UGT1A9: variants seen among roughly 807,000 people sequenced by gnomAD.
UGT1A9 encodes UDP-glucuronosyltransferase 1A9.
Under a neutral mutation model 45.0 loss-of-function variants are expected in UGT1A9, and 35 were observed. That is an observed-to-expected ratio of 0.78 (90% confidence interval 0.59 to 1.03). The LOEUF is 1.03. Ranked by LOEUF, UGT1A9 falls within the 50% of genes least tolerant of loss-of-function variation. The pLI, the probability that UGT1A9 is intolerant of heterozygous loss-of-function variation, is 0.00. For synonymous variants in UGT1A9, 278 were observed against 250.6 expected, an observed-to-expected ratio of 1.11 and a Z score of -1.03; for missense variants, 687 against 666.6, an observed-to-expected ratio of 1.03 and a Z score of -0.34.
chr2:233,731,166 G>T (rs1000792478), intron 1 of UGT1A9, among the ~76,000 whole-genome samples: 13 of 151,756 alleles, frequency 8.6e-5, no homozygotes, highest in Admixed American at 3.3e-4. Flanking sequence ...CAAACGACAT[G>T]ATTTTTTTAT....
In UGT1A9 at chr2:233,729,997, T is replaced by G; in HGVS notation, c.856-37037T>G. On this transcript the variant is annotated intron_variant, in intron 1 of 4. Transcript: ENST00000354728. ...CAACAGGAAGCCACTATCTCAGGTC[T>G]GTATTGGTGCCTTCATCCAATCAAT... is the stretch of plus-strand genomic sequence containing the variant. 3 of 1,614,024 alleles carry G rather than the reference T, an allele frequency of 1.9e-6. No individual in the cohort carries two copies. The South Asian group carries it at 3.3e-5, about 18-fold the overall frequency.
In UGT1A9 at chr2:233,724,282, G is replaced by C. The variant is rs1306983781; in HGVS notation, c.856-42752G>C. Among the ~76,000 whole-genome samples, 10 of 125,690 alleles carry C rather than the reference G, an allele frequency of 8.0e-5. No individual in the cohort carries two copies. In the East Asian group the frequency reaches 2.6e-3, roughly 32 times the overall value. 82.5% of individuals were successfully genotyped at this position (125,690 alleles called of 152,430 possible). On this transcript the variant is annotated intron_variant, in intron 1 of 4. Coordinates refer to ENST00000354728, the MANE Select transcript of UGT1A9 (RefSeq NM_021027.3). ...TCCCGGACGGGGCGGCTGGCCGGGC[G>C]GGGGGCTGACCCCCCCACCTCCCTC... is the stretch of plus-strand genomic sequence containing the variant.
intron 1 of UGT1A9, among the ~76,000 whole-genome samples, chr2:233,716,995 G>T (rs1230366985): frequency 6.6e-6 from 1 of 152,142 alleles, no homozygotes; most frequent in Non-Finnish European, 1.5e-5. Flanking sequence ...GCTGTCCTCA[G>T]GGCCCCTATG....
chr2:233,724,971 C>T (rs1371769482), intron 1 of UGT1A9, among the ~76,000 whole-genome samples: 9 of 135,368 alleles, frequency 6.6e-5, no homozygotes, highest in African/African-American at 2.7e-4. Context: ...CCGAGGTTGG[C>T]GGATCACTCG....
chr2:233,725,125 G>A (rs1256400023), intron 1 of UGT1A9, among the ~76,000 whole-genome samples: 1 of 138,156 alleles, frequency 7.2e-6, no homozygotes, highest in Non-Finnish European at 1.5e-5. Context: ...GCAGTGAGCC[G>A]AGATGGCAGC....
At chr2:233,713,008 A>G in intron 1 of UGT1A9, 1 of 1,613,630 alleles carries the variant, frequency 6.2e-7, no homozygotes, top group Non-Finnish European at 8.5e-7. Flanking sequence ...ACAGGACTCC[A>G]GGTTCCCCTG....
intron 1 of UGT1A9, among the ~76,000 whole-genome samples, chr2:233,707,382 A>G (rs1046947918): frequency 1.3e-5 from 2 of 151,700 alleles, no homozygotes; most frequent in Non-Finnish European, 2.9e-5. Flanking sequence ...CTCAGCATCC[A>G]TGAGCTATTC....
At chr2:233,698,967 G>A (rs771951485) in intron 1 of UGT1A9, among the ~76,000 whole-genome samples, 2 of 152,206 alleles carry the variant, frequency 1.3e-5, no homozygotes, top group Non-Finnish European at 2.9e-5. Context: ...CCTTGGGGAA[G>A]CCCTTTGGCC....
chr2:233,688,526 GGTTT>G (rs113090807), intron 1 of UGT1A9, among the ~76,000 whole-genome samples: 1,546 of 152,214 alleles, frequency 0.01, 37 homozygotes, highest in African/African-American at 0.035. Flanking sequence ...GCCTAGAGTG[GGTTT>G]GACTTACATC....
At chr2:233,720,517 A>G (rs556440432) in intron 1 of UGT1A9, among the ~76,000 whole-genome samples, 3 of 152,226 alleles carry the variant, frequency 2.0e-5, no homozygotes, top group East Asian at 1.9e-4. Context: ...GAAGCTGATC[A>G]TATCACCAAA....
intron 1 of UGT1A9, among the ~76,000 whole-genome samples, chr2:233,730,228 A>C (rs1452253357): frequency 2.0e-5 from 3 of 152,146 alleles, no homozygotes; most frequent in East Asian, 3.9e-4. Flanking sequence ...TTGTAAAAGG[A>C]TGGACAAGGA....
In UGT1A9 at chr2:233,693,797, A is replaced by G. The variant is rs1165673859; in HGVS notation, c.855+21008A>G. 3.7e-6 allele frequency: 6 copies of G among 1,614,084 alleles called. No homozygotes were observed. Among genetic ancestry groups the G allele is most frequent in the Non-Finnish European group, 5.1e-6 (6 of 1,180,034 alleles). On this transcript the variant is annotated intron_variant, in intron 1 of 4. Coordinates refer to ENST00000354728, the MANE Select transcript of UGT1A9 (RefSeq NM_021027.3). The stretch of plus-strand genomic sequence containing the variant: ...ATATGACTTTGTGCTTGAATATCCT[A>G]GGCCGGTCATGCCCAACATGGTCTT...
At chr2:233,713,461 G>A in intron 1 of UGT1A9, 7 of 1,614,080 alleles carry the variant, frequency 4.3e-6, no homozygotes, top group Non-Finnish European at 5.9e-6. Flanking sequence ...TTTCACCTCT[G>A]CGCGGCGGTG....
At chr2:233,761,926 C>A (rs986768651) in intron 1 of UGT1A9, among the ~76,000 whole-genome samples, 4 of 152,226 alleles carry the variant, frequency 2.6e-5, no homozygotes, top group Admixed American at 1.3e-4. Context: ...GCAGCCCAGG[C>A]ACTTCCCAGG....
intron 1 of UGT1A9, chr2:233,743,980 G>A (rs1692624028): frequency 1.2e-5 from 15 of 1,302,748 alleles, no homozygotes; most frequent in African/African-American, 1.5e-5. Flanking sequence ...CCAGCACCCA[G>A]GCGCAGGCCC....
chr2:233,693,633 C>T (rs368362776), intron 1 of UGT1A9: 3 of 1,614,064 alleles, frequency 1.9e-6, no homozygotes, highest in Admixed American at 3.3e-5. Flanking sequence ...CAACGAGTGG[C>T]CAACTTCCTT....
chr2:233,772,599 C>A lies in UGT1A9; in HGVS notation c.*40C>A, dbSNP rs1313882407. ...ATAAGGTAAAATTTTGAACCATTCC[C>A]TAGTCATTTCCAAACTTGAAAACAG... On this transcript the variant is annotated 3_prime_UTR_variant, in exon 5 of 5. Coordinates refer to ENST00000354728, the MANE Select transcript of UGT1A9 (RefSeq NM_021027.3). 3.8e-6 allele frequency: 6 copies of A among 1,591,492 alleles called. No individual in the cohort carries two copies. Among genetic ancestry groups the A allele is most frequent in the Non-Finnish European group, 5.1e-6 (6 of 1,168,132 alleles).
chr2:233,693,767 TTAAGA>T (rs774933475), intron 1 of UGT1A9: 32 of 1,614,128 alleles, frequency 2.0e-5, no homozygotes, highest in Non-Finnish European at 2.6e-5. Flanking sequence ...TGTTTGGCTG[TTAAGA>T]TATGACTTTG....
intron 1 of UGT1A9, chr2:233,682,510 C>T: frequency 6.2e-7 from 1 of 1,613,930 alleles, no homozygotes; most frequent in Non-Finnish European, 8.5e-7. Flanking sequence ...CCTATGTCCC[C>T]AGACTTCTCT....
Sources: allele counts gnomAD v4.1 joint callset (sites outside exome capture counted in the v4.1 genomes callset), GRCh38; gene constraint gnomAD v4.1.1; transcripts MANE v1.5; gene names NCBI Gene and HGNC (gene_info 2026-07-23, HGNC 2026-07-21).